Variants in C12orf42 observed in about 807,000 individuals in gnomAD.
C12orf42 encodes the protein uncharacterized protein C12orf42.
Under a neutral mutation model 21.6 loss-of-function variants are expected in C12orf42, and 25 were observed. The observed-to-expected ratio is 1.16, with a 90% CI of 0.84 to 1.62. The LOEUF (loss-of-function observed/expected upper bound fraction) is 1.62. Among genes scored for constraint, C12orf42 ranks in the 40% most tolerant of loss-of-function variants. The pLI is 0.00. For synonymous variants in C12orf42, 174 were observed against 175.0 expected, an observed-to-expected ratio of 0.99 and a Z score of 0.05; for missense variants, 483 against 459.3, an observed-to-expected ratio of 1.05 and a Z score of -0.47.
the C12orf42 span, among the ~76,000 whole-genome samples, chr12:103,159,754 C>T: frequency 6.6e-6 from 1 of 152,248 alleles, no homozygotes; most frequent in African/African-American, 2.4e-5. Flanking sequence ...TGGTCCCCTC[C>T]AGTTGTATCC....
At chr12:103,198,295 G>A in the C12orf42 span, among the ~76,000 whole-genome samples, 1 of 152,194 alleles carries the variant, frequency 6.6e-6, no homozygotes, top group Non-Finnish European at 1.5e-5. Context: ...CTCTGCCAGA[G>A]AAGGAGCTAT....
intron 1 of C12orf42, among the ~76,000 whole-genome samples, chr12:103,486,400 T>A (rs1287809813): frequency 6.6e-6 from 1 of 152,224 alleles, no homozygotes; most frequent in Non-Finnish European, 1.5e-5. Context: ...GATTTTTGCA[T>A]CAATGTCCAT....
chr12:103,330,551 T>C (rs1470096514), intron 4 of C12orf42, among the ~76,000 whole-genome samples: 1 of 152,192 alleles, frequency 6.6e-6, no homozygotes, highest in Non-Finnish European at 1.5e-5. Context: ...GGGACTGAAT[T>C]TGTTTCAGAT....
At chr12:103,426,752 C>T (rs536420033) in intron 2 of C12orf42, among the ~76,000 whole-genome samples, 12 of 152,280 alleles carry the variant, frequency 7.9e-5, no homozygotes, top group African/African-American at 2.6e-4. Context: ...AGACTAACAG[C>T]GGATCTCTCG....
chr12:103,394,588 C>T (rs1282187602), intron 3 of C12orf42, among the ~76,000 whole-genome samples: 7 of 152,158 alleles, frequency 4.6e-5, no homozygotes, highest in South Asian at 2.1e-4. Context: ...GTTTGAAACA[C>T]GAAACCATTG....
chr12:103,236,598 T>A (rs1437725627), downstream of C12orf42, among the ~76,000 whole-genome samples: 1 of 152,238 alleles, frequency 6.6e-6, no homozygotes, highest in Admixed American at 6.5e-5. Context: ...GGGTCTTGAA[T>A]GACCAAGATT....
intron 2 of C12orf42, among the ~76,000 whole-genome samples, chr12:103,454,803 C>T (rs1952180570): frequency 6.6e-6 from 1 of 152,126 alleles, no homozygotes; most frequent in South Asian, 2.1e-4. Flanking sequence ...GGATTCATAG[C>T]TTTTCTTCTT....
At chr12:103,249,337 A>G (rs2034164580) in intron 10 of C12orf42, among the ~76,000 whole-genome samples, 1 of 152,092 alleles carries the variant, frequency 6.6e-6, no homozygotes, top group Non-Finnish European at 1.5e-5. Flanking sequence ...AGTAATTATT[A>G]ATTTTTATAC....
At chr12:103,539,846 A>G in the C12orf42 span, among the ~76,000 whole-genome samples, 1 of 151,658 alleles carries the variant, frequency 6.6e-6, no homozygotes, top group South Asian at 2.1e-4. Flanking sequence ...CCCAAAGTGC[A>G]GGGACTACAG....
At chr12:103,431,831 G>C (rs1015215511) in intron 2 of C12orf42, among the ~76,000 whole-genome samples, 1 of 152,202 alleles carries the variant, frequency 6.6e-6, no homozygotes, top group Non-Finnish European at 1.5e-5. Context: ...CAGGTCTGCA[G>C]CAACCTCAAT....
At chr12:103,278,018 T>A (rs1339753096) in intron 4 of C12orf42, among the ~76,000 whole-genome samples, 1 of 152,166 alleles carries the variant, frequency 6.6e-6, no homozygotes, top group Non-Finnish European at 1.5e-5. Flanking sequence ...TTTTTAAAAG[T>A]AAATTTCTTT....
chr12:103,264,401 G>T (rs1214587022), downstream of C12orf42, among the ~76,000 whole-genome samples: 3 of 152,122 alleles, frequency 2.0e-5, no homozygotes, highest in Admixed American at 6.6e-5. Flanking sequence ...CTCTGTCCCA[G>T]GGGATTAAGA....
At chr12:103,311,398 C>T (rs2136648266) in intron 4 of C12orf42, among the ~76,000 whole-genome samples, 1 of 151,904 alleles carries the variant, frequency 6.6e-6, no homozygotes, top group East Asian at 1.9e-4. Context: ...AGTTGATCAG[C>T]TGATTTATTG....
chr12:103,242,245 G>GT (rs1593194094), intron 10 of C12orf42, among the ~76,000 whole-genome samples: 2 of 152,096 alleles, frequency 1.3e-5, no homozygotes, highest in South Asian at 2.1e-4. Flanking sequence ...TCCACCTGTT[G>GT]TAAGACTGGA....
the C12orf42 span, among the ~76,000 whole-genome samples, chr12:103,556,148 C>G: frequency 6.6e-6 from 1 of 152,250 alleles, no homozygotes; most frequent in African/African-American, 2.4e-5. Flanking sequence ...GAGTCACCCA[C>G]CCCTGGGTTC....
At chr12:103,381,944 T>C (rs191780878) in intron 3 of C12orf42, among the ~76,000 whole-genome samples, 154 of 97,096 alleles carry the variant, frequency 1.6e-3, no homozygotes, top group African/African-American at 4.4e-3. Context: ...GCTTTCTCTT[T>C]CTCTGCCTCA....
chr12:103,394,349 G>C (rs2047334508), intron 3 of C12orf42, among the ~76,000 whole-genome samples: 1 of 152,122 alleles, frequency 6.6e-6, no homozygotes, highest in Admixed American at 6.5e-5. Context: ...CTCTTTTCTA[G>C]GCCACAGGTT....
Position 103,306,265 on chromosome 12 carries a change from C to T in C12orf42, c.340G>A (p.Val114Ile), listed in dbSNP as rs1482958415. The T allele has an allele frequency of 1.9e-6, 3 of 1,613,796 alleles. No individual in the cohort carries two copies. Among genetic ancestry groups the T allele is most frequent in the Admixed American group, 1.7e-5 (1 of 59,926 alleles). The change falls in exon 5 of 6, where the codon GTA becomes ATA. Residue 114 changes from valine (V) to isoleucine (I), a missense_variant. By Grantham distance (29) the Val-to-Ile change is conservative. Coordinates refer to ENST00000548883, the MANE Select transcript of C12orf42 (RefSeq NM_198521.5). ...TCTTCATCAAAAGAAACTGTGCTTA[C>T]AGAACACCTGGGGACTATGTACTGG... ...TCQYIVPRCS[V>I]STVSFDEESY... is the part of the protein sequence containing the mutation.
chr12:103,228,095 G>A, the C12orf42 span, among the ~76,000 whole-genome samples: 485 of 152,228 alleles, frequency 3.2e-3, 1 homozygote, highest in Non-Finnish European at 6.0e-3. Flanking sequence ...TCAGAGTCAC[G>A]GCACCAAATT....
Sources: allele counts gnomAD v4.1 joint callset (sites outside exome capture counted in the v4.1 genomes callset), GRCh38; gene constraint gnomAD v4.1.1; transcripts MANE v1.5; gene names NCBI Gene and HGNC (gene_info 2026-07-23, HGNC 2026-07-21).